PLXNA4: variants seen among roughly 807,000 people sequenced by gnomAD.
PLXNA4 encodes plexin A4.
Under a neutral mutation model 191.8 loss-of-function variants are expected in PLXNA4, and 44 were observed. That is an observed-to-expected ratio of 0.23 (90% CI 0.18 to 0.29). PLXNA4 has a LOEUF of 0.29. Ranked by LOEUF, PLXNA4 falls within the 10% of genes least tolerant of loss-of-function variation. The probability of loss-of-function intolerance (pLI) is 1.00; values close to 1 mark genes in which losing one functional copy is unlikely to be tolerated. For missense variants in PLXNA4, 1,800 were observed against 2,488.8 expected (o/e 0.72, Z 5.89); for synonymous variants, 1,082 against 1,009.5 (o/e 1.07, Z -1.36).
intron 5 of PLXNA4, among the ~76,000 whole-genome samples, chr7:132,235,237 T>C (rs1456711681): frequency 6.6e-6 from 1 of 152,222 alleles, no homozygotes; most frequent in Admixed American, 6.5e-5. Flanking sequence ...ACTTCAGGCA[T>C]GAGGACCTGC....
At chr7:132,311,460 C>A (rs1389846127) in intron 3 of PLXNA4, among the ~76,000 whole-genome samples, 1 of 152,158 alleles carries the variant, frequency 6.6e-6, no homozygotes, top group Admixed American at 6.5e-5. Context: ...ATTCATCTTA[C>A]CCAAGCTCAC....
intron 3 of PLXNA4, chr7:132,385,390 A>G: frequency 2.8e-6 from 4 of 1,445,742 alleles, no homozygotes; most frequent in Non-Finnish European, 2.7e-6. Context: ...TTTACAGTAA[A>G]TATGTATTAC....
chr7:132,568,816 G>T (rs967722307), intron 1 of PLXNA4, among the ~76,000 whole-genome samples: 1 of 152,198 alleles, frequency 6.6e-6, no homozygotes, highest in African/African-American at 2.4e-5. Flanking sequence ...AGTGGTTAGG[G>T]GCAAGCATAT....
chr7:132,176,527 TGTGA>T (rs1434841751), intron 20 of PLXNA4, among the ~76,000 whole-genome samples: 9 of 152,082 alleles, frequency 5.9e-5, no homozygotes, highest in African/African-American at 2.2e-4. Context: ...AGGGAGTGTA[TGTGA>T]GTGTGTGAGT....
chr7:132,254,499 T>C (rs1799365026), intron 4 of PLXNA4, among the ~76,000 whole-genome samples: 1 of 152,202 alleles, frequency 6.6e-6, no homozygotes, highest in South Asian at 2.1e-4. Context: ...TCTTTGAGCC[T>C]CGGTTTCCTC....
At chr7:132,167,649 C>T (rs1257693357) in intron 22 of PLXNA4, among the ~76,000 whole-genome samples, 1 of 152,118 alleles carries the variant, frequency 6.6e-6, no homozygotes, top group Non-Finnish European at 1.5e-5. Flanking sequence ...ATCCTCCTAT[C>T]CCAGCCTCCA....
At chr7:132,283,582 C>T (rs1393857614) in intron 4 of PLXNA4, among the ~76,000 whole-genome samples, 1 of 145,488 alleles carries the variant, frequency 6.9e-6, no homozygotes, top group African/African-American at 2.5e-5. Context: ...TCAGCCTGTG[C>T]TCATGACAGA....
intron 3 of PLXNA4, among the ~76,000 whole-genome samples, chr7:132,481,676 A>G (rs1797342686): frequency 1.3e-5 from 2 of 152,176 alleles, no homozygotes; most frequent in Non-Finnish European, 2.9e-5. Flanking sequence ...ACCCCTTCCT[A>G]AGATGCTGGG....
At chr7:132,198,690 T>A (rs1797333096) in intron 12 of PLXNA4, 54 bp from the exon 13 acceptor site, 1 of 1,598,386 alleles carries the variant, frequency 6.3e-7, no homozygotes, top group South Asian at 1.1e-5. Context: ...GCCACTCACT[T>A]GCTGATGAGG....
chr7:132,200,908 T>C (rs573354605), intron 12 of PLXNA4, among the ~76,000 whole-genome samples: 21 of 152,306 alleles, frequency 1.4e-4, no homozygotes, highest in African/African-American at 5.1e-4. Context: ...AATAATAACC[T>C]GATGATAACC....
intron 12 of PLXNA4, among the ~76,000 whole-genome samples, chr7:132,201,759 A>G (rs1421771082): frequency 6.6e-6 from 1 of 152,196 alleles, no homozygotes; most frequent in Non-Finnish European, 1.5e-5. Context: ...CCTTGCTGGA[A>G]GAGTGCAGGA....
intron 1 of PLXNA4, among the ~76,000 whole-genome samples, chr7:132,575,473 T>TC (rs913538356): frequency 6.6e-6 from 1 of 151,782 alleles, no homozygotes; most frequent in African/African-American, 2.4e-5. Context: ...CCCTCGTGCT[T>TC]CCCCCTTCTA....
intron 1 of PLXNA4, among the ~76,000 whole-genome samples, chr7:132,555,104 T>C (rs1800744615): frequency 6.8e-6 from 1 of 147,346 alleles, no homozygotes; most frequent in African/African-American, 2.5e-5. Context: ...AAAAACCACA[T>C]TATCTAAGAT....
chr7:132,274,009 A>AT (rs1334610649), intron 4 of PLXNA4, among the ~76,000 whole-genome samples: 1 of 151,940 alleles, frequency 6.6e-6, no homozygotes, highest in Non-Finnish European at 1.5e-5. Flanking sequence ...AGCAGTAAAA[A>AT]AAAAAGGGGG....
chr7:132,491,366 G>C (rs1797790940), intron 2 of PLXNA4, among the ~76,000 whole-genome samples: 1 of 152,222 alleles, frequency 6.6e-6, no homozygotes, highest in South Asian at 2.1e-4. Context: ...GGCCCCAGCA[G>C]GCTCCTCCAC....
intron 10 of PLXNA4, among the ~76,000 whole-genome samples, chr7:132,205,573 C>G (rs983006724): frequency 6.6e-6 from 1 of 152,090 alleles, no homozygotes; most frequent in African/African-American, 2.4e-5. Flanking sequence ...CAGCCACATT[C>G]AATTTCTTCC....
At chr7:132,639,644 C>T (rs536949143) in intron 2 of PLXNA4, among the ~76,000 whole-genome samples, 11 of 152,288 alleles carry the variant, frequency 7.2e-5, no homozygotes, top group African/African-American at 2.4e-4. Context: ...GGTTCCCCAG[C>T]GTGGGTGGAA....
intron 2 of PLXNA4, among the ~76,000 whole-genome samples, chr7:132,584,896 T>C (rs1421997631): frequency 3.3e-5 from 5 of 152,138 alleles, no homozygotes; most frequent in Non-Finnish European, 5.9e-5. Flanking sequence ...CTCTGCTCAC[T>C]CTCTCTTCTC....
At position 132,127,899 on chromosome 7, in the gene PLXNA4, ATC is replaced by A. The variant is rs1794815970; in HGVS notation, c.*2578_*2579del. ...CGCCAAAGTAACAATAACAATAATC[ATC>A]ATCCAGTAAAAAATAAAAGCTTCAG... On this transcript the variant is annotated 3_prime_UTR_variant, in exon 32 of 32. Transcript: ENST00000321063. 1 of 5,858 alleles carries A rather than the reference ATC, an allele frequency of 1.7e-4. No individual in the cohort carries two copies. The highest frequency in any genetic ancestry group is 2.6e-4 in the African/African-American group (1 of 3,814). The allele number at this position is 5,858 out of a possible 1,614,324, so 0.4% of individuals were successfully genotyped here. A position where few individuals can be genotyped will look rare whatever the true frequency, so the allele number is the denominator to read the frequency against.
Sources: gnomAD v4.1 joint callset for allele counts (sites outside exome capture counted in the v4.1 genomes callset) on GRCh38, gnomAD v4.1.1 for gene constraint, MANE v1.5 for transcripts, NCBI Gene and HGNC (gene_info 2026-07-23, HGNC 2026-07-21) for gene names.